The following LRRC7 variants were observed in gnomAD, a reference collection of about 807,000 sequenced individuals.
LRRC7 encodes the protein leucine rich repeat containing 7, also known as leucine-rich repeat-containing protein 7.
In LRRC7, 23 loss-of-function variants were observed where a neutral mutation model predicts 175.7. The ratio of observed to expected loss-of-function variants is 0.13; its 90% CI spans 0.09 to 0.19. The LOEUF (loss-of-function observed/expected upper bound fraction) is 0.19, where lower values mean the gene tolerates loss of function less well. LRRC7 is among the 10% of genes least tolerant of loss of function. LRRC7 has a pLI of 1.00. For synonymous variants in LRRC7, 685 were observed against 680.9 expected, an observed-to-expected ratio of 1.01 and a Z score of -0.09; for missense variants, 1,354 against 1,904.7, an observed-to-expected ratio of 0.71 and a Z score of 5.38.
rs574935144 is a variant in LRRC7 at position 69,609,654 on chromosome 1, C to A, written c.2+41013C>A. Among the ~76,000 whole-genome samples, 26 of 152,072 alleles carry A rather than the reference C, an allele frequency of 1.7e-4. No homozygotes were observed. In the South Asian group the frequency reaches 5.4e-3, roughly 32 times the overall value. On this transcript the variant is annotated intron_variant, in intron 1 of 26. Transcript: ENST00000651989. ...TACATAGAATGGATGCTATTTGAACCTGTCTGCTTAAGTTTAAAGCCCTGT... is the reference window on the plus strand; with the variant it reads ...TACATAGAATGGATGCTATTTGAACATGTCTGCTTAAGTTTAAAGCCCTGT...
chr1:69,710,448 T>A (rs777909561), intron 2 of LRRC7, among the ~76,000 whole-genome samples: 1 of 152,072 alleles, frequency 6.6e-6, no homozygotes, highest in Non-Finnish European at 1.5e-5. Flanking sequence ...TGTCTATTCC[T>A]CCCTGTAGGG....
intron 1 of LRRC7, among the ~76,000 whole-genome samples, chr1:69,598,232 G>A (rs537703678): frequency 6.6e-6 from 1 of 152,198 alleles, no homozygotes; most frequent in East Asian, 1.9e-4. Flanking sequence ...ATGTCCCTGA[G>A]ACTAAACTTT....
At chr1:69,843,527 C>T (rs1480703736) in intron 7 of LRRC7, among the ~76,000 whole-genome samples, 2 of 151,858 alleles carry the variant, frequency 1.3e-5, no homozygotes, top group South Asian at 2.1e-4. Flanking sequence ...CTAGATATCT[C>T]GTAAATGGTG....
At chr1:69,671,962 C>T (rs973469200) in intron 1 of LRRC7, among the ~76,000 whole-genome samples, 1 of 152,160 alleles carries the variant, frequency 6.6e-6, no homozygotes, top group African/African-American at 2.4e-5. Flanking sequence ...TAAAACCAAG[C>T]ACTGTGAGTG....
intron 8 of LRRC7, among the ~76,000 whole-genome samples, chr1:69,955,055 A>G (rs146948315): frequency 1.3e-5 from 2 of 152,232 alleles, no homozygotes; most frequent in Non-Finnish European, 2.9e-5. Flanking sequence ...TCTTAGATGA[A>G]TGAATACAGC....
chr1:69,575,283 C>T (rs1350967674), intron 1 of LRRC7, among the ~76,000 whole-genome samples: 5 of 152,176 alleles, frequency 3.3e-5, no homozygotes, highest in Middle Eastern at 3.4e-3. Context: ...CTCTTACACC[C>T]GAGCAAAGTA....
chr1:69,764,015 G>A (rs1184962083), intron 3 of LRRC7, among the ~76,000 whole-genome samples: 1 of 151,876 alleles, frequency 6.6e-6, no homozygotes, highest in East Asian at 1.9e-4. Context: ...AAAAGTCAAG[G>A]TAAAAGGCAT....
At chr1:69,831,623 C>T (rs1680535553) in intron 5 of LRRC7, among the ~76,000 whole-genome samples, 1 of 152,084 alleles carries the variant, frequency 6.6e-6, no homozygotes, top group African/African-American at 2.4e-5. Flanking sequence ...CCTCATTTTT[C>T]ACTTGCCTCC....
chr1:69,701,766 A>T (rs533361865), intron 2 of LRRC7, among the ~76,000 whole-genome samples: 2 of 152,212 alleles, frequency 1.3e-5, no homozygotes, highest in Non-Finnish European at 2.9e-5. Context: ...TTATTAAATT[A>T]TAGAAAACTT....
chr1:70,022,698 A>G (rs944408357), intron 16 of LRRC7, among the ~76,000 whole-genome samples: 2 of 152,208 alleles, frequency 1.3e-5, no homozygotes, highest in Non-Finnish European at 2.9e-5. Context: ...TTAGAGCACA[A>G]ACGAACTTCT....
intron 7 of LRRC7, among the ~76,000 whole-genome samples, chr1:69,862,790 C>T (rs1054293802): frequency 6.6e-6 from 1 of 152,024 alleles, no homozygotes; most frequent in African/African-American, 2.4e-5. Flanking sequence ...TGGTTTGCTG[C>T]ACCCATCAAC....
intron 2 of LRRC7, among the ~76,000 whole-genome samples, chr1:69,730,392 T>A (rs1474754109): frequency 6.6e-6 from 1 of 152,164 alleles, no homozygotes; most frequent in African/African-American, 2.4e-5. Flanking sequence ...TGCATAGAAA[T>A]TTCTTCCATC....
At chr1:69,653,924 A>G (rs1201772260) in intron 1 of LRRC7, among the ~76,000 whole-genome samples, 1 of 152,190 alleles carries the variant, frequency 6.6e-6, no homozygotes, top group South Asian at 2.1e-4. Context: ...ACATAGAAAC[A>G]GAAAGTAGAA....
At chr1:70,104,420 G>A (rs534186550) in intron 25 of LRRC7, among the ~76,000 whole-genome samples, 13 of 152,144 alleles carry the variant, frequency 8.5e-5, no homozygotes, top group African/African-American at 2.9e-4. Flanking sequence ...ACTGACCTTT[G>A]CAGGCAGTCT....
chr1:69,883,445 A>G (rs1380715772), intron 7 of LRRC7, among the ~76,000 whole-genome samples: 1 of 108,050 alleles, frequency 9.3e-6, no homozygotes, highest in Non-Finnish European at 2.0e-5. Flanking sequence ...TCCTTCACCC[A>G]CTTTTTGATG....
intron 2 of LRRC7, among the ~76,000 whole-genome samples, chr1:69,701,338 T>A (rs1056962925): frequency 6.6e-6 from 1 of 152,174 alleles, no homozygotes; most frequent in Non-Finnish European, 1.5e-5. Context: ...TGTTCATTTT[T>A]CTTCACTAGA....
At chr1:70,053,949 C>T (rs1007201624) in intron 23 of LRRC7, among the ~76,000 whole-genome samples, 2 of 152,048 alleles carry the variant, frequency 1.3e-5, no homozygotes, top group African/African-American at 4.8e-5. Flanking sequence ...ATTTACTAGA[C>T]TGGCAAAAAT....
chr1:69,757,249 G>A (rs922093913), intron 2 of LRRC7, among the ~76,000 whole-genome samples: 3 of 151,954 alleles, frequency 2.0e-5, no homozygotes, highest in African/African-American at 7.2e-5. Flanking sequence ...AAAGTGCAAG[G>A]GGGACAGCAA....
intron 4 of LRRC7, among the ~76,000 whole-genome samples, chr1:69,799,495 A>C (rs1676208313): frequency 6.6e-6 from 1 of 152,152 alleles, no homozygotes; most frequent in South Asian, 2.1e-4. Flanking sequence ...TTTACTTAAG[A>C]TAATGGCCTC....
Sources: gnomAD v4.1 joint callset for allele counts (sites outside exome capture counted in the v4.1 genomes callset) on GRCh38, gnomAD v4.1.1 for gene constraint, MANE v1.5 for transcripts, NCBI Gene and HGNC (gene_info 2026-07-23, HGNC 2026-07-21) for gene names.